Variants in SORT1 observed in about 807,000 individuals in gnomAD.
SORT1 encodes sortilin.
A neutral mutation model predicts 101.7 loss-of-function variants in SORT1; 39 were observed. The observed-to-expected ratio is 0.38, with a 90% CI of 0.30 to 0.50. The LOEUF is 0.50. Among genes scored for constraint, SORT1 ranks in the 20% least tolerant of loss-of-function variants. The pLI, the probability that SORT1 is intolerant of heterozygous loss-of-function variation, is 0.90. For missense variants in SORT1, 878 were observed against 1,040.4 expected, an observed-to-expected ratio of 0.84 and a Z score of 2.15; for synonymous variants, 396 against 393.7, an observed-to-expected ratio of 1.01 and a Z score of -0.07.
At chr1:109,357,295 G>A (rs769111659) in intron 3 of SORT1, among the ~76,000 whole-genome samples, 1 of 152,174 alleles carries the variant, frequency 6.6e-6, no homozygotes, top group Non-Finnish European at 1.5e-5. Flanking sequence ...GATGCACTTC[G>A]CAGAATGTAT....
At position 109,311,375 on chromosome 1, in the gene SORT1, A is replaced by C. The variant is rs1658722428; in HGVS notation, c.*2668T>G. On this transcript the variant is annotated 3_prime_UTR_variant, in exon 20 of 20. Transcript: ENST00000256637. The stretch of plus-strand genomic sequence containing the variant: ...TACCTTCAAAGATAATGCTCCTAAC[A>C]TGAGTAGGACAAATTAGAAATCTAT... The C allele has an allele frequency of 6.6e-6, 1 of 152,264 alleles. No homozygotes were observed. Among genetic ancestry groups the C allele is most frequent in the African/African-American group, 2.4e-5 (1 of 41,468 alleles). 9.4% of individuals were successfully genotyped at this position (152,264 alleles called of 1,614,324 possible).
chr1:109,391,638 C>T (rs1282792464), intron 1 of SORT1, among the ~76,000 whole-genome samples: 1 of 152,140 alleles, frequency 6.6e-6, no homozygotes, highest in Admixed American at 6.6e-5. Flanking sequence ...CATCTTTCAC[C>T]TAAAAATTTT....
intron 1 of SORT1, among the ~76,000 whole-genome samples, chr1:109,384,114 G>A (rs1486252151): frequency 2.6e-5 from 4 of 151,918 alleles, no homozygotes; most frequent in Admixed American, 1.3e-4. Context: ...TGTTGTTTTC[G>A]AGATCAGCTC....
chr1:109,360,194 G>A (rs1232192922), intron 3 of SORT1, among the ~76,000 whole-genome samples: 2 of 152,136 alleles, frequency 1.3e-5, no homozygotes, highest in African/African-American at 2.4e-5. Flanking sequence ...ATTTAGTTGA[G>A]CATGGTGGTT....
chr1:109,351,257 C>G (rs1293924763), intron 5 of SORT1, among the ~76,000 whole-genome samples: 1 of 152,074 alleles, frequency 6.6e-6, no homozygotes, highest in Non-Finnish European at 1.5e-5. Flanking sequence ...ACTGGGGATA[C>G]AAAGATGAAT....
chr1:109,326,468 T>C (rs61797115), intron 13 of SORT1, among the ~76,000 whole-genome samples: 1,939 of 62,624 alleles, frequency 0.031, 79 homozygotes, highest in African/African-American at 0.099. Flanking sequence ...TATATATACA[T>C]ACACACACAC....
chr1:109,350,855 T>C, intron 6 of SORT1, 74 bp downstream of exon 6: 1 of 978,904 alleles, frequency 1.0e-6, no homozygotes. Context: ...GCTCAATATT[T>C]ATTCATGTGA....
intron 7 of SORT1, among the ~76,000 whole-genome samples, chr1:109,346,781 T>A (rs1420196206): frequency 6.6e-6 from 1 of 151,992 alleles, no homozygotes; most frequent in Non-Finnish European, 1.5e-5. Flanking sequence ...GCATGCTGCT[T>A]TACTTTCTTC....
chr1:109,395,706 T>C (rs1014662523), intron 1 of SORT1, among the ~76,000 whole-genome samples: 1 of 152,194 alleles, frequency 6.6e-6, no homozygotes, highest in Non-Finnish European at 1.5e-5. Flanking sequence ...GCCAGTTTTT[T>C]CAACCTCTTT....
chr1:109,387,828 G>C lies in SORT1; in HGVS notation c.306+9759C>G, dbSNP rs575772188. ...TAGCCGGGTGTGGTGGCGGGCACCTGTAATCCCAGCTACTTGGGGGGCTGA... is the reference window on the plus strand; with the variant it reads ...TAGCCGGGTGTGGTGGCGGGCACCTCTAATCCCAGCTACTTGGGGGGCTGA... On this transcript the variant is annotated intron_variant, in intron 1 of 19. Coordinates refer to ENST00000256637, the MANE Select transcript of SORT1 (RefSeq NM_002959.7). 9.7e-4 allele frequency among the ~76,000 whole-genome samples: 148 copies of C among 152,162 alleles called. 1 individual carries two copies. Among genetic ancestry groups the C allele is most frequent in the Non-Finnish European group, 1.9e-3 (127 of 68,034 alleles).
chr1:109,360,238 A>G (rs2101613800), intron 3 of SORT1, among the ~76,000 whole-genome samples: 1 of 152,292 alleles, frequency 6.6e-6, no homozygotes, highest in South Asian at 2.1e-4. Context: ...TGGGAGGCTG[A>G]GGCAGGAGGA....
chr1:109,348,429 T>C (rs939285114), intron 6 of SORT1, among the ~76,000 whole-genome samples: 6 of 152,120 alleles, frequency 3.9e-5, no homozygotes, highest in Non-Finnish European at 7.4e-5. Context: ...AGTAAAAACC[T>C]TGCATAGGAT....
At chr1:109,372,684 C>T (rs550443216) in intron 1 of SORT1, among the ~76,000 whole-genome samples, 1 of 151,774 alleles carries the variant, frequency 6.6e-6, no homozygotes, top group South Asian at 2.1e-4. Context: ...TTTGGGAGGC[C>T]GAGACAGGCG....
intron 13 of SORT1, 51 bp from the exon 14 acceptor site, chr1:109,325,140 G>T: frequency 3.2e-6 from 4 of 1,250,466 alleles, no homozygotes; most frequent in Non-Finnish European, 1.1e-6. Context: ...TGTGTACTGG[G>T]AATTCAGAAA....
At chr1:109,355,572 G>A in intron 3 of SORT1, 103 bp from the exon 4 acceptor site, 3 of 623,168 alleles carry the variant, frequency 4.8e-6, no homozygotes, top group Non-Finnish European at 8.8e-6. Flanking sequence ...CATGCTGAGA[G>A]ACTCGGCTCA....
In SORT1 at chr1:109,313,017, C is replaced by CT. The variant is rs1658811596; in HGVS notation, c.*1025dup. 6.6e-6 allele frequency: 1 copy of CT among 152,108 alleles called. No individual in the cohort carries two copies. The highest frequency in any genetic ancestry group is 1.5e-5 in the Non-Finnish European group (1 of 68,030). 9.4% of individuals were successfully genotyped at this position (152,108 alleles called of 1,614,324 possible). The stretch of plus-strand genomic sequence containing the variant: ...TCCTGGTTCCATGTACAACAGCAAC[C>CT]TAAGAAGCAGCAGATAGGCAGCCAT... On this transcript the variant is annotated 3_prime_UTR_variant, in exon 20 of 20. Transcript: ENST00000256637.
intron 9 of SORT1, among the ~76,000 whole-genome samples, chr1:109,341,632 A>T (rs140291910): frequency 0.027 from 4,079 of 152,268 alleles, 179 homozygotes; most frequent in African/African-American, 0.092. Context: ...TACAGGTGTG[A>T]GCCACTGCGC....
chr1:109,370,238 ATATAGT>A (rs1651403186), intron 1 of SORT1, among the ~76,000 whole-genome samples: 2 of 152,180 alleles, frequency 1.3e-5, no homozygotes, highest in Non-Finnish European at 2.9e-5. Flanking sequence ...GCATGTTAAA[ATATAGT>A]TATAATAATC....
intron 15 of SORT1, among the ~76,000 whole-genome samples, chr1:109,318,339 AG>A (rs1479053813): frequency 6.6e-6 from 1 of 152,148 alleles, no homozygotes; most frequent in Non-Finnish European, 1.5e-5. Flanking sequence ...TTTAGTAGAG[AG>A]AGCGTTTCAC....
Sources: allele counts gnomAD v4.1 joint callset (sites outside exome capture counted in the v4.1 genomes callset), GRCh38; gene constraint gnomAD v4.1.1; transcripts MANE v1.5; gene names NCBI Gene and HGNC (gene_info 2026-07-23, HGNC 2026-07-21).